BABAM2: variants seen among roughly 807,000 people sequenced by gnomAD.
The protein encoded by BABAM2 is BRISC and BRCA1-A complex member 2.
A neutral mutation model predicts 54.7 loss-of-function variants in BABAM2; 31 were observed. The observed-to-expected ratio is 0.57, with a 90% CI of 0.43 to 0.77. The LOEUF is 0.77. BABAM2 is among the 30% of genes least tolerant of loss of function. The pLI is 0.00. For missense variants in BABAM2, 364 were observed against 455.8 expected (o/e 0.80, Z 1.83); for synonymous variants, 167 against 162.9 (o/e 1.03, Z -0.19).
rs553017381 is a variant in BABAM2, at chr2:28,188,841, T to C, written c.681-48361T>C. Among the ~76,000 whole-genome samples, 14 of 152,332 alleles carry C rather than the reference T, an allele frequency of 9.2e-5. No individual in the cohort carries two copies. The East Asian group carries it at 2.5e-3, about 27-fold the overall frequency. On this transcript the variant is annotated intron_variant, in intron 7 of 11. Coordinates refer to ENST00000379624, the MANE Select transcript of BABAM2 (RefSeq NM_199191.3). ...TGTTTTTATCTGCTTAATTGTAAGT[T>C]AGTATTGAACACAGACTAGTTTCAA...
At chr2:28,134,761 A>G (rs1670395223) in intron 7 of BABAM2, among the ~76,000 whole-genome samples, 1 of 152,232 alleles carries the variant, frequency 6.6e-6, no homozygotes, top group South Asian at 2.1e-4. Context: ...ATGAGAATCA[A>G]CCACATGTGA....
At chr2:28,243,279 A>G (rs1006259770) in intron 9 of BABAM2, among the ~76,000 whole-genome samples, 3 of 152,156 alleles carry the variant, frequency 2.0e-5, no homozygotes, top group African/African-American at 7.2e-5. Flanking sequence ...CACACTTGTA[A>G]TCCCAGCACT....
At chr2:27,945,916 A>G (rs1367256396) in intron 3 of BABAM2, among the ~76,000 whole-genome samples, 1 of 151,886 alleles carries the variant, frequency 6.6e-6, no homozygotes, top group African/African-American at 2.4e-5. Context: ...AATTCTAATA[A>G]TTTTTTTGTA....
intron 6 of BABAM2, among the ~76,000 whole-genome samples, chr2:28,046,085 ACT>A (rs1467604151): frequency 8.5e-5 from 13 of 152,060 alleles, no homozygotes; most frequent in African/African-American, 2.9e-4. Context: ...GGAATGAAAG[ACT>A]CTCATATAAA....
At chr2:28,062,782 T>C (rs967034402) in intron 6 of BABAM2, among the ~76,000 whole-genome samples, 5 of 152,192 alleles carry the variant, frequency 3.3e-5, no homozygotes, top group African/African-American at 1.2e-4. Context: ...TCAGGTACAT[T>C]TGATGAACAC....
At chr2:27,974,125 A>G (rs150856086) in intron 3 of BABAM2, among the ~76,000 whole-genome samples, 5 of 152,300 alleles carry the variant, frequency 3.3e-5, no homozygotes, top group African/African-American at 1.2e-4. Flanking sequence ...ATTTAAGACA[A>G]AAAGTCACCA....
chr2:28,022,552 C>G (rs1263731863), intron 4 of BABAM2, among the ~76,000 whole-genome samples: 1 of 152,106 alleles, frequency 6.6e-6, no homozygotes, highest in Admixed American at 6.5e-5. Flanking sequence ...TGTGTTTTAT[C>G]ACTTTCTCTG....
intron 7 of BABAM2, among the ~76,000 whole-genome samples, chr2:28,147,646 T>C (rs1174412135): frequency 3.9e-5 from 6 of 152,060 alleles, no homozygotes; most frequent in Admixed American, 2.0e-4. Context: ...GCTAATTTTT[T>C]GTATTTTTAA....
chr2:27,942,343 C>T (rs1397159531), intron 3 of BABAM2, among the ~76,000 whole-genome samples: 5 of 151,794 alleles, frequency 3.3e-5, no homozygotes, highest in Non-Finnish European at 5.9e-5. Flanking sequence ...TTTGTTATAC[C>T]GTGCTATTAT....
intron 5 of BABAM2, among the ~76,000 whole-genome samples, chr2:28,028,767 T>C (rs1322145195): frequency 6.6e-6 from 1 of 152,102 alleles, no homozygotes; most frequent in Non-Finnish European, 1.5e-5. Flanking sequence ...TTTTTCTTTT[T>C]CTTTTTTTTC....
At chr2:28,102,360 T>A (rs1667160013) in intron 6 of BABAM2, among the ~76,000 whole-genome samples, 2 of 152,264 alleles carry the variant, frequency 1.3e-5, no homozygotes, top group South Asian at 2.1e-4. Context: ...GCAATTTTTT[T>A]AATGTCTAAA....
rs1002069333 is a variant in BABAM2 at position 28,240,839 on chromosome 2, C to T, written c.781-484C>T. ...GAGCTAAGATCGCGCCATTGCACTC[C>T]AGCCTGGGCAACAAGAGCGAGACTC... On this transcript the variant is annotated intron_variant, in intron 8 of 11. Transcript: ENST00000379624. Among the ~76,000 whole-genome samples, 13 of 147,854 alleles carry T rather than the reference C, an allele frequency of 8.8e-5. No homozygotes were observed. The East Asian group carries it at 2.6e-3, about 29-fold the overall frequency.
At chr2:28,116,498 C>G (rs1372418009) in intron 6 of BABAM2, among the ~76,000 whole-genome samples, 1 of 152,178 alleles carries the variant, frequency 6.6e-6, no homozygotes, top group Admixed American at 6.5e-5. Context: ...GCCATGGGCA[C>G]AGACAGTCTG....
Position 28,003,836 on chromosome 2 carries a change from T to A in BABAM2, c.300+15749T>A, listed in dbSNP as rs909404938. On this transcript the variant is annotated intron_variant, in intron 4 of 11. Transcript: ENST00000379624. ...AAAAATGGAAAGAAAACCAGAGGTG[T>A]GGAGGCCAAAATGACCAAGGACAAC... Among the ~76,000 whole-genome samples, 6 of 152,292 alleles carry A rather than the reference T, an allele frequency of 3.9e-5. No homozygotes were observed. The South Asian group carries it at 8.3e-4, about 21-fold the overall frequency.
chr2:28,115,939 A>G (rs965279060), intron 6 of BABAM2, among the ~76,000 whole-genome samples: 11 of 151,868 alleles, frequency 7.2e-5, no homozygotes, highest in Non-Finnish European at 8.8e-5. Context: ...ACACGAAGAA[A>G]CCACCTCTCT....
intron 4 of BABAM2, among the ~76,000 whole-genome samples, chr2:28,007,474 T>C (rs919712611): frequency 5.9e-5 from 9 of 152,084 alleles, no homozygotes; most frequent in Non-Finnish European, 1.3e-4. Context: ...CTGGAGAAGA[T>C]AGTGATCCTG....
chr2:28,122,334 T>C (rs748785026), intron 6 of BABAM2, among the ~76,000 whole-genome samples: 1 of 152,156 alleles, frequency 6.6e-6, no homozygotes, highest in Non-Finnish European at 1.5e-5. Context: ...TAGGTGGGTG[T>C]ACTTCATGCT....
chr2:28,246,442 A>G (rs1479301233), intron 10 of BABAM2, among the ~76,000 whole-genome samples: 1 of 152,146 alleles, frequency 6.6e-6, no homozygotes, highest in African/African-American at 2.4e-5. Context: ...TAATTTATTC[A>G]TATCTCTTGT....
chr2:27,969,068 T>C (rs573814903), intron 3 of BABAM2, among the ~76,000 whole-genome samples: 1 of 152,102 alleles, frequency 6.6e-6, no homozygotes, highest in African/African-American at 2.4e-5. Context: ...ATCTTTCCCA[T>C]GCTGTTCTCG....
Sources: allele counts gnomAD v4.1 joint callset (sites outside exome capture counted in the v4.1 genomes callset), GRCh38; gene constraint gnomAD v4.1.1; transcripts MANE v1.5; gene names NCBI Gene and HGNC (gene_info 2026-07-23, HGNC 2026-07-21).